Variants in KCNH1 observed in about 807,000 individuals in gnomAD.
KCNH1 encodes the protein voltage-gated delayed rectifier potassium channel KCNH1.
In KCNH1, 27 loss-of-function variants were observed where a neutral mutation model predicts 69.2. The ratio of observed to expected loss-of-function variants is 0.39; its 90% CI spans 0.29 to 0.54. KCNH1 has a LOEUF of 0.54. Ranked by LOEUF, KCNH1 falls within the 20% of genes least tolerant of loss-of-function variation. The pLI is 0.68. For synonymous variants in KCNH1, 456 were observed against 487.7 expected, an observed-to-expected ratio of 0.93 and a Z score of 0.86; for missense variants, 798 against 1,261.6, an observed-to-expected ratio of 0.63 and a Z score of 5.57.
chr1:210,975,402 T>C (rs1341543005), intron 6 of KCNH1, among the ~76,000 whole-genome samples: 2 of 152,112 alleles, frequency 1.3e-5, no homozygotes, highest in African/African-American at 2.4e-5. Flanking sequence ...AAAACAGAGA[T>C]GTAGACCAAT....
chr1:210,911,322 A>G (rs1470963539), intron 7 of KCNH1, among the ~76,000 whole-genome samples: 3 of 152,172 alleles, frequency 2.0e-5, no homozygotes, highest in African/African-American at 7.2e-5. Context: ...TCCTTAGTGG[A>G]GACTCATCTC....
At chr1:210,868,458 T>A (rs1281380828) in intron 7 of KCNH1, among the ~76,000 whole-genome samples, 1 of 151,914 alleles carries the variant, frequency 6.6e-6, no homozygotes, top group Non-Finnish European at 1.5e-5. Context: ...ATGTTTTGTG[T>A]CGTAAGAAAT....
intron 7 of KCNH1, among the ~76,000 whole-genome samples, chr1:210,870,844 G>A (rs750048407): frequency 2.0e-5 from 3 of 151,994 alleles, no homozygotes; most frequent in Non-Finnish European, 2.9e-5. Flanking sequence ...GAGATCATTC[G>A]GCTTAAGGGT....
At chr1:210,862,209 C>T in intron 7 of KCNH1, 1 of 1,212,322 alleles carries the variant, frequency 8.2e-7, no homozygotes, top group South Asian at 1.2e-5. Context: ...CTTCATTGAG[C>T]TGGCGCTCCA....
intron 10 of KCNH1, among the ~76,000 whole-genome samples, chr1:210,714,708 C>T (rs1050089014): frequency 2.0e-5 from 3 of 152,144 alleles, no homozygotes; most frequent in Non-Finnish European, 4.4e-5. Flanking sequence ...ACCATCCCTG[C>T]CTTCAAAGGA....
At chr1:210,712,526 A>G (rs4951543) in intron 10 of KCNH1, among the ~76,000 whole-genome samples, 40,414 of 152,100 alleles carry the variant, frequency 0.27, 7,501 homozygotes, top group African/African-American at 0.52. Flanking sequence ...CTGGCCCAGA[A>G]TCTGTTCTTT....
At chr1:210,856,828 T>C (rs1422138654) in intron 7 of KCNH1, among the ~76,000 whole-genome samples, 2 of 129,300 alleles carry the variant, frequency 1.5e-5, no homozygotes, top group East Asian at 4.3e-4. Context: ...ATATTTTATA[T>C]ATAATATATA....
intron 10 of KCNH1, among the ~76,000 whole-genome samples, chr1:210,751,529 T>C (rs535096680): frequency 2.0e-4 from 31 of 152,240 alleles, no homozygotes; most frequent in African/African-American, 5.8e-4. Context: ...TGCAAGGCTT[T>C]AAGTGCTAAC....
intron 5 of KCNH1, among the ~76,000 whole-genome samples, chr1:211,043,123 C>T (rs12750065): frequency 0.22 from 34,091 of 151,882 alleles, 3,970 homozygotes; most frequent in Non-Finnish European, 0.25. Flanking sequence ...CAGAACTAAA[C>T]GAAATTGAAA....
intron 7 of KCNH1, among the ~76,000 whole-genome samples, chr1:210,804,400 G>A (rs1490141459): frequency 1.3e-5 from 2 of 152,224 alleles, no homozygotes; most frequent in Admixed American, 1.3e-4. Context: ...GGGAGACAGG[G>A]CTAGGGTGCA....
At chr1:211,075,773 G>A (rs149423970) in intron 5 of KCNH1, among the ~76,000 whole-genome samples, 13 of 152,362 alleles carry the variant, frequency 8.5e-5, no homozygotes, top group African/African-American at 1.4e-4. Flanking sequence ...GAAGCAGGGC[G>A]GAGCATTGCC....
intron 6 of KCNH1, among the ~76,000 whole-genome samples, chr1:210,956,160 T>C (rs1182610691): frequency 6.6e-6 from 1 of 152,186 alleles, no homozygotes; most frequent in African/African-American, 2.4e-5. Context: ...ATGGAGATAA[T>C]CGTGTGGTTT....
chr1:211,128,691 A>G (rs1034056875), intron 1 of KCNH1, among the ~76,000 whole-genome samples: 1 of 152,192 alleles, frequency 6.6e-6, no homozygotes, highest in East Asian at 1.9e-4. Context: ...TATTTGTCGT[A>G]CTGAACAATT....
intron 5 of KCNH1, among the ~76,000 whole-genome samples, chr1:211,043,494 A>G (rs966801776): frequency 3.9e-5 from 6 of 152,218 alleles, no homozygotes; most frequent in African/African-American, 1.4e-4. Flanking sequence ...ATTCAGGACC[A>G]GACAAATTCA....
At chr1:210,799,287 A>T (rs1048593380) in intron 8 of KCNH1, among the ~76,000 whole-genome samples, 1 of 152,200 alleles carries the variant, frequency 6.6e-6, no homozygotes, top group Non-Finnish European at 1.5e-5. Context: ...CTCGCCAAAA[A>T]TTGCCAGGAT....
chr1:210,707,812 G>T (rs1681950278), intron 10 of KCNH1, among the ~76,000 whole-genome samples: 1 of 152,014 alleles, frequency 6.6e-6, no homozygotes, highest in African/African-American at 2.4e-5. Context: ...CTTGTTCTGG[G>T]GACAGAACAC....
intron 10 of KCNH1, among the ~76,000 whole-genome samples, chr1:210,709,719 A>G (rs35588593): frequency 7.6e-6 from 1 of 131,988 alleles, no homozygotes; most frequent in Admixed American, 7.8e-5. Flanking sequence ...GAAAGAAAGA[A>G]AGAAGAGAGA....
rs1691918673 is a variant in KCNH1 at position 211,133,675 on chromosome 1, G to C, written c.79+192C>G. ...CAGAAGAGCTCTCCTGTTAGGATGG[G>C]GACCCATCAGACCCCGCCCCGCCCT... On this transcript the variant is annotated intron_variant, in intron 1 of 10. Transcript: ENST00000271751. This position sits in a 1 kb window ranked among gnomAD's most constrained non-coding sequence, Gnocchi z 5.4. 6.6e-6 allele frequency among the ~76,000 whole-genome samples: 1 copy of C among 152,218 alleles called. No homozygotes were observed. The highest frequency in any genetic ancestry group is 1.9e-4 in the East Asian group (1 of 5,138).
chr1:210,806,752 C>T (rs1371825960), intron 7 of KCNH1, among the ~76,000 whole-genome samples: 1 of 142,638 alleles, frequency 7.0e-6, no homozygotes, highest in Non-Finnish European at 1.5e-5. Flanking sequence ...GGCGGATCAC[C>T]TGAGGTCAGG....
Sources: allele counts gnomAD v4.1 joint callset (sites outside exome capture counted in the v4.1 genomes callset), GRCh38; gene constraint gnomAD v4.1.1; non-coding constraint Gnocchi (gnomAD v3.1); transcripts MANE v1.5; gene names NCBI Gene and HGNC (gene_info 2026-07-23, HGNC 2026-07-21).